The following TANC2 variants were observed in gnomAD, a reference collection of about 807,000 sequenced individuals.
The protein encoded by TANC2 is tetratricopeptide repeat, ankyrin repeat and coiled-coil containing 2, also known as protein TANC2.
TANC2 carries 26 observed loss-of-function variants against 210.5 expected under a neutral mutation model. The ratio of observed to expected loss-of-function variants is 0.12; its 90% CI spans 0.09 to 0.17. TANC2 has a LOEUF of 0.17. TANC2 is among the 10% of genes least tolerant of loss of function. The pLI is 1.00. For synonymous variants in TANC2, 931 were observed against 967.1 expected (o/e 0.96, Z 0.69); for missense variants, 2,129 against 2,608.9 (o/e 0.82, Z 4.01).
intron 4 of TANC2, among the ~76,000 whole-genome samples, chr17:63,117,414 A>G (rs976631332): frequency 2.6e-5 from 4 of 152,168 alleles, no homozygotes; most frequent in Admixed American, 2.0e-4. Flanking sequence ...CAACCAATCT[A>G]ATGAAAAGAA....
intron 12 of TANC2, among the ~76,000 whole-genome samples, chr17:63,346,201 C>A (rs1271273731): frequency 6.6e-6 from 1 of 152,086 alleles, no homozygotes; most frequent in Non-Finnish European, 1.5e-5. Context: ...TCTTCACAAA[C>A]TTGGAATAGG....
In TANC2 at chr17:63,344,028, G is replaced by A. The variant is rs544645822; in HGVS notation, c.1807+3696G>A. On this transcript the variant is annotated intron_variant, in intron 12 of 27. Coordinates refer to ENST00000689528, the Ensembl canonical transcript of TANC2. Reference sequence around the variant, plus strand: ...TACATCAGGGGTCCCCAATCCCTGGGCCAAGGATGGATATAGGTCCGTGGC... The same window carrying A: ...TACATCAGGGGTCCCCAATCCCTGGACCAAGGATGGATATAGGTCCGTGGC... Among the ~76,000 whole-genome samples, 201 of 152,322 alleles carry A rather than the reference G, an allele frequency of 1.3e-3. 1 individual carries two copies. The highest frequency in any genetic ancestry group is 4.6e-3 in the African/African-American group (191 of 41,568).
chr17:63,051,967 C>T (rs1003234088), intron 2 of TANC2, among the ~76,000 whole-genome samples: 6 of 152,070 alleles, frequency 3.9e-5, no homozygotes, highest in South Asian at 2.1e-4. Flanking sequence ...ATAACCCTGT[C>T]GTAAGGTGAG....
intron 20 of TANC2, 58 bp from the exon 21 acceptor site, chr17:63,406,096 G>C: frequency 6.2e-7 from 1 of 1,603,266 alleles, no homozygotes; most frequent in Non-Finnish European, 8.5e-7. Context: ...TAGTGTGCAC[G>C]TGTCTTCTCA....
intron 5 of TANC2, among the ~76,000 whole-genome samples, chr17:63,178,467 C>G (rs1247919583): frequency 3.9e-5 from 6 of 152,296 alleles, no homozygotes; most frequent in Middle Eastern, 3.4e-3. Flanking sequence ...GCTTCCGTGC[C>G]TTTTTCAACA....
At chr17:63,038,188 A>C (rs1193241115) in intron 2 of TANC2, among the ~76,000 whole-genome samples, 1 of 152,156 alleles carries the variant, frequency 6.6e-6, no homozygotes, top group Non-Finnish European at 1.5e-5. Context: ...ATCAAGTTGA[A>C]GTAGTTCCCC....
chr17:63,165,957 A>G (rs2040196855), intron 5 of TANC2, among the ~76,000 whole-genome samples: 1 of 152,230 alleles, frequency 6.6e-6, no homozygotes, highest in Non-Finnish European at 1.5e-5. Context: ...ATTTCAGTCA[A>G]GCACTGAAGG....
At chr17:63,400,666 CGGA>C (rs1477319066) in intron 19 of TANC2, among the ~76,000 whole-genome samples, 1 of 150,778 alleles carries the variant, frequency 6.6e-6, no homozygotes, top group Non-Finnish European at 1.5e-5. Flanking sequence ...TTTTTTGAGA[CGGA>C]GTCTCACTCT....
intron 14 of TANC2, among the ~76,000 whole-genome samples, chr17:63,358,376 A>AGAGAGAGTGTGTGTGT (rs1470682571): frequency 8.6e-5 from 7 of 81,044 alleles, no homozygotes; most frequent in African/African-American, 2.6e-4. Flanking sequence ...AGAGAGAGAG[A>AGAGAGAGTGTGTGTGT]GTATGTGTGT....
chr17:63,054,302 A>G lies in TANC2; in HGVS notation c.68-19641A>G, dbSNP rs144669523. 1.7e-3 allele frequency among the ~76,000 whole-genome samples: 263 copies of G among 152,304 alleles called. 1 individual carries two copies. Among genetic ancestry groups the G allele is most frequent in the African/African-American group, 5.9e-3 (245 of 41,570 alleles). On this transcript the variant is annotated intron_variant, in intron 2 of 27. Coordinates refer to ENST00000689528, the Ensembl canonical transcript of TANC2. The stretch of plus-strand genomic sequence containing the variant: ...GCTCTTCATTTCTTCTGTTTATCAG[A>G]GTGCTTATGTAGCCATGGAATATTT...
exon 14 of TANC2, chr17:63,354,926 C>T (rs1567946146): frequency 6.2e-7 from 1 of 1,613,816 alleles, no homozygotes; most frequent in Admixed American, 1.7e-5. Context: ...CACTTAATGG[C>T]AAAATGGACA....
chr17:63,206,333 G>A (rs772401162), intron 7 of TANC2, among the ~76,000 whole-genome samples: 9 of 152,116 alleles, frequency 5.9e-5, no homozygotes, highest in South Asian at 2.1e-4. Flanking sequence ...CATATGATCC[G>A]GCAATTTCTC....
chr17:63,290,843 T>C (rs1354004621), intron 9 of TANC2, among the ~76,000 whole-genome samples: 7 of 152,168 alleles, frequency 4.6e-5, no homozygotes, highest in Admixed American at 4.6e-4. Context: ...TAGTTAGAAT[T>C]AGGTTCTCCA....
intron 1 of TANC2, among the ~76,000 whole-genome samples, chr17:62,974,041 T>G (rs2031861058): frequency 6.6e-6 from 1 of 152,250 alleles, no homozygotes; most frequent in African/African-American, 2.4e-5. Context: ...CTTTAGAGAA[T>G]AAGTTTGTCA....
At chr17:63,173,915 A>G (rs2040492893) in intron 5 of TANC2, among the ~76,000 whole-genome samples, 2 of 152,232 alleles carry the variant, frequency 1.3e-5, no homozygotes, top group Non-Finnish European at 2.9e-5. Flanking sequence ...TGGTAGTAAA[A>G]ATGACAAGAA....
At chr17:63,353,473 A>T (rs919608261) in intron 13 of TANC2, among the ~76,000 whole-genome samples, 3 of 152,168 alleles carry the variant, frequency 2.0e-5, no homozygotes, top group African/African-American at 7.2e-5. Context: ...CACATTGTCT[A>T]TGAAATATCC....
At chr17:63,308,620 T>A (rs1379585784) in intron 9 of TANC2, among the ~76,000 whole-genome samples, 1 of 152,222 alleles carries the variant, frequency 6.6e-6, no homozygotes, top group African/African-American at 2.4e-5. Context: ...TTAAAATTTG[T>A]AACTACATAT....
chr17:62,996,329 G>A (rs1022764290), intron 1 of TANC2, among the ~76,000 whole-genome samples: 1 of 152,150 alleles, frequency 6.6e-6, no homozygotes, highest in South Asian at 2.1e-4. Flanking sequence ...CCTCACTTAG[G>A]AGTACGCGCC....
intron 5 of TANC2, among the ~76,000 whole-genome samples, chr17:63,157,111 T>A (rs181270760): frequency 2.6e-5 from 4 of 152,272 alleles, no homozygotes; most frequent in African/African-American, 9.6e-5. Context: ...GACAATTGTG[T>A]TCCTCTTTGG....
Sources: gnomAD v4.1 joint callset for allele counts (sites outside exome capture counted in the v4.1 genomes callset) on GRCh38, gnomAD v4.1.1 for gene constraint, MANE v1.5 for transcripts, NCBI Gene and HGNC (gene_info 2026-07-23, HGNC 2026-07-21) for gene names.